The following PITRM1 variants were observed in gnomAD, a reference collection of about 807,000 sequenced individuals.
The protein encoded by PITRM1 is pitrilysin metallopeptidase 1.
In PITRM1, 100 loss-of-function variants were observed where a neutral mutation model predicts 129.9. That is an observed-to-expected ratio of 0.77 (90% CI 0.65 to 0.91). PITRM1 has a LOEUF of 0.91. Among genes scored for constraint, PITRM1 ranks in the 40% least tolerant of loss-of-function variants. The pLI is 0.00. For missense variants in PITRM1, 1,471 were observed against 1,318.3 expected, an observed-to-expected ratio of 1.12 and a Z score of -1.79; for synonymous variants, 591 against 508.8, an observed-to-expected ratio of 1.16 and a Z score of -2.17.
Position 3,166,140 on chromosome 10 carries a change from C to A in PITRM1, c.418+89G>T. On this transcript the variant is annotated intron_variant, in intron 4 of 26. Coordinates refer to ENST00000224949, the MANE Select transcript of PITRM1 (RefSeq NM_014889.4). ...TTTTCTAGAACATGAATTGCCCACT[C>A]CCCTCATTCCTTCTCAGAAACTAAC... The A allele has an allele frequency of 3.6e-6, 4 of 1,124,886 alleles. No homozygotes were observed. The South Asian group carries it at 7.3e-5, about 21-fold the overall frequency. The allele number at this position is 1,124,886 out of a possible 1,614,324, so 69.7% of individuals were successfully genotyped here.
intron 10 of PITRM1, among the ~76,000 whole-genome samples, chr10:3,158,514 C>A (rs923403015): frequency 7.9e-5 from 12 of 152,148 alleles, no homozygotes; most frequent in South Asian, 6.2e-4. Flanking sequence ...CGCGTCACTG[C>A]ACTCCAGCCT....
At chr10:3,168,143 G>T (rs982775695) in intron 2 of PITRM1, among the ~76,000 whole-genome samples, 4 of 152,004 alleles carry the variant, frequency 2.6e-5, no homozygotes, top group African/African-American at 9.7e-5. Context: ...AGCGCACACA[G>T]TAAGTCGCTG....
chr10:3,171,147 TAA>T (rs1169315061), intron 1 of PITRM1, among the ~76,000 whole-genome samples: 4 of 49,202 alleles, frequency 8.1e-5, no homozygotes, highest in African/African-American at 1.6e-4. Flanking sequence ...ATCGTTCAAT[TAA>T]AAAAAAAAAA....
rs543153239 is a variant in PITRM1 at position 3,138,266 on chromosome 10, T to C, written c.2989A>G (p.Ser997Gly). ...CTCACGGCCAGGAGCTTGTCGTGGC[T>C]GACAGCAAAGAGCTGCTCTCTGTGG... Reference protein sequence around the residue: ...QAHREQLFAVSHDKLLAVSDR... With the variant: ...QAHREQLFAVGHDKLLAVSDR... Residue 997 changes from serine to glycine, a missense_variant, in exon 26 of 27, where the codon AGC becomes GGC. Coordinates refer to ENST00000224949, the MANE Select transcript of PITRM1 (RefSeq NM_014889.4). 13 of 1,613,760 alleles carry C rather than the reference T, an allele frequency of 8.1e-6. 1 individual carries two copies. The East Asian group carries it at 8.9e-5, about 11-fold the overall frequency.
At chr10:3,159,323 G>A (rs1037059419) in intron 9 of PITRM1, among the ~76,000 whole-genome samples, 10 of 152,222 alleles carry the variant, frequency 6.6e-5, no homozygotes, top group African/African-American at 1.2e-4. Flanking sequence ...CACTGTGGCA[G>A]CACCATTAAG....
chr10:3,168,154 G>A (rs1417605640), intron 2 of PITRM1, among the ~76,000 whole-genome samples: 1 of 152,038 alleles, frequency 6.6e-6, no homozygotes, highest in African/African-American at 2.4e-5. Context: ...TAAGTCGCTG[G>A]CCAAGGTCAG....
Position 3,145,691 on chromosome 10 carries a change from G to A in PITRM1, c.2362C>T (p.Gln788Ter). 1 of 1,550,298 alleles carries A rather than the reference G, an allele frequency of 6.5e-7. No individual in the cohort carries two copies. Among genetic ancestry groups the A allele is most frequent in the Non-Finnish European group, 8.7e-7 (1 of 1,145,688 alleles). The change falls in exon 21 of 27, where the codon CAG becomes TAG. Residue 788 changes from glutamine to a stop codon, truncating the protein, a stop_gained. Transcript: ENST00000224949. LOFTEE classifies it high-confidence loss of function. ...ACCGCTTTTTCTGTCTGAGGCATCT[G>A]CTGAGGAGTCGCATTCACTGAACAC... ...MRCSVNATPQ[Q>*]MPQTEKAVED...
intron 16 of PITRM1, chr10:3,148,631 T>C (rs1841170011): frequency 4.5e-6 from 1 of 220,356 alleles, no homozygotes. Context: ...GACTACTCCC[T>C]ACTCTCTTCA....
Position 3,138,623 on chromosome 10 carries a change from C to A in PITRM1, c.2917+281G>T, listed in dbSNP as rs1046191339. ...GGCTCCAGAGAGTAACGTGGCCATG[C>A]CCGGGCCGTGCCCACGTCCTCCTTC... On this transcript the variant is annotated intron_variant, in intron 25 of 26. Coordinates refer to ENST00000224949, the MANE Select transcript of PITRM1 (RefSeq NM_014889.4). 5 of 607,460 alleles carry A rather than the reference C, an allele frequency of 8.2e-6. No individual in the cohort carries two copies. The East Asian group carries it at 1.1e-4, about 14-fold the overall frequency. 37.6% of individuals were successfully genotyped at this position (607,460 alleles called of 1,614,324 possible).
At chr10:3,140,909 G>T in intron 23 of PITRM1, 97 bp from the exon 24 acceptor site, 1 of 1,076,274 alleles carries the variant, frequency 9.3e-7, no homozygotes, top group Non-Finnish European at 1.4e-6. Context: ...AAATCGAGTT[G>T]TAAAATAATG....
intron 10 of PITRM1, 65 bp from the exon 11 acceptor site, chr10:3,158,218 G>A: frequency 1.1e-6 from 1 of 891,606 alleles, no homozygotes; most frequent in Non-Finnish European, 1.8e-6. Flanking sequence ...CTCGTAATAT[G>A]CTTGATTTAA....
At chr10:3,168,533 T>C (rs999413573) in intron 2 of PITRM1, among the ~76,000 whole-genome samples, 2 of 149,422 alleles carry the variant, frequency 1.3e-5, no homozygotes, top group African/African-American at 2.6e-5. Context: ...GTAGTTTCCA[T>C]AATCCCCACA....
intron 2 of PITRM1, 109 bp downstream of exon 2, chr10:3,169,995 C>CA (rs964387768): frequency 2.8e-6 from 2 of 723,274 alleles, no homozygotes; most frequent in African/African-American, 3.5e-5. Context: ...GGCCTTGGGA[C>CA]ACAAGGACAA....
intron 26 of PITRM1, 34 bp downstream of exon 26, chr10:3,138,200 AG>A (rs1564376631): frequency 6.3e-7 from 1 of 1,587,602 alleles, no homozygotes; most frequent in African/African-American, 1.3e-5. Flanking sequence ...GAGGGCTTCC[AG>A]TCCCAGACGC....
chr10:3,171,179 A>AAAAAAAAAAAAT (rs1205812341), intron 1 of PITRM1, among the ~76,000 whole-genome samples: 1 of 145,538 alleles, frequency 6.9e-6, no homozygotes, highest in African/African-American at 2.6e-5. Context: ...AAAAAAAAAA[A>AAAAAAAAAAAAT]AAAAACCTTA....
chr10:3,139,167 T>G, intron 24 of PITRM1, 118 bp from the exon 25 acceptor site: 1 of 858,262 alleles, frequency 1.2e-6, no homozygotes, highest in African/African-American at 1.7e-5. Flanking sequence ...ATTTTATATC[T>G]GATTTAGTCC....
intron 24 of PITRM1, 113 bp downstream of exon 24, chr10:3,140,574 A>G: frequency 1.0e-6 from 1 of 995,088 alleles, no homozygotes; most frequent in Non-Finnish European, 1.5e-6. Context: ...AGAAGCACAC[A>G]GAACAACTTT....
chr10:3,161,223 T>C (rs1842417163), intron 7 of PITRM1, among the ~76,000 whole-genome samples: 2 of 152,206 alleles, frequency 1.3e-5, no homozygotes, highest in African/African-American at 2.4e-5. Context: ...AAACTTCATC[T>C]AGATGTGACA....
At chr10:3,150,940 C>T (rs921125202) in intron 15 of PITRM1, among the ~76,000 whole-genome samples, 8 of 151,936 alleles carry the variant, frequency 5.3e-5, no homozygotes, top group African/African-American at 9.7e-5. Context: ...TTTAAAACTG[C>T]GCTTCACACA....
Sources: allele counts gnomAD v4.1 joint callset (sites outside exome capture counted in the v4.1 genomes callset), GRCh38; gene constraint gnomAD v4.1.1; transcripts MANE v1.5; gene names NCBI Gene and HGNC (gene_info 2026-07-23, HGNC 2026-07-21).